Variants in AGBL1 observed in about 807,000 individuals in gnomAD.
AGBL1 encodes cytosolic carboxypeptidase 4.
In AGBL1, 130 loss-of-function variants were observed where a neutral mutation model predicts 118.9. That is an observed-to-expected ratio of 1.09 (90% CI 0.95 to 1.26). The LOEUF is 1.26. Among genes scored for constraint, AGBL1 ranks in the 50% most tolerant of loss-of-function variants. The pLI, the probability that AGBL1 is intolerant of heterozygous loss-of-function variation, is 0.00. For missense variants in AGBL1, 1,584 were observed against 1,298.1 expected, an observed-to-expected ratio of 1.22 and a Z score of -3.38; for synonymous variants, 555 against 478.9, an observed-to-expected ratio of 1.16 and a Z score of -2.08.
At chr15:86,220,382 A>G (rs935468784) in intron 5 of AGBL1, among the ~76,000 whole-genome samples, 5 of 152,236 alleles carry the variant, frequency 3.3e-5, no homozygotes, top group Non-Finnish European at 7.3e-5. Context: ...AATGTGATGT[A>G]TAATGATGTA....
At chr15:86,311,112 C>T (rs1351976119) in intron 17 of AGBL1, among the ~76,000 whole-genome samples, 6 of 152,152 alleles carry the variant, frequency 3.9e-5, no homozygotes, top group Admixed American at 2.0e-4. Context: ...AGACAGGCTT[C>T]GACGCTTGCT....
At chr15:86,445,712 C>G (rs770108107) in intron 18 of AGBL1, among the ~76,000 whole-genome samples, 21 of 152,158 alleles carry the variant, frequency 1.4e-4, no homozygotes, top group Non-Finnish European at 2.5e-4. Context: ...CAGATGAGTT[C>G]ATTCATCCAT....
intron 22 of AGBL1, among the ~76,000 whole-genome samples, chr15:86,713,168 T>C (rs1026017728): frequency 1.5e-4 from 23 of 152,100 alleles, no homozygotes; most frequent in Admixed American, 6.5e-5. Flanking sequence ...TTTCTTCCAC[T>C]GAAAGAGAAA....
intron 22 of AGBL1, among the ~76,000 whole-genome samples, chr15:86,682,264 G>T (rs1291929860): frequency 1.3e-5 from 2 of 152,096 alleles, no homozygotes; most frequent in Non-Finnish European, 2.9e-5. Context: ...CTCCCTAACT[G>T]GTCAAGGGAA....
At chr15:86,743,903 T>C (rs16977951) in intron 22 of AGBL1, among the ~76,000 whole-genome samples, 6,928 of 152,206 alleles carry the variant, frequency 0.046, 409 homozygotes, top group African/African-American at 0.13. Context: ...ACACAATCTT[T>C]ATTTTTGACA....
At chr15:86,870,454 C>CCAAAA (rs2079705648) in intron 22 of AGBL1, among the ~76,000 whole-genome samples, 1 of 64,130 alleles carries the variant, frequency 1.6e-5, no homozygotes, top group Non-Finnish European at 2.8e-5. Context: ...AAGCATACTG[C>CCAAAA]AAAAAAAAAA....
At chr15:86,212,308 T>G (rs892003260) in intron 5 of AGBL1, among the ~76,000 whole-genome samples, 2 of 152,182 alleles carry the variant, frequency 1.3e-5, no homozygotes, top group African/African-American at 2.4e-5. Flanking sequence ...GTAAACAATG[T>G]TATAATAAAG....
At chr15:86,729,140 G>C (rs1026702706) in intron 22 of AGBL1, among the ~76,000 whole-genome samples, 1 of 152,166 alleles carries the variant, frequency 6.6e-6, no homozygotes, top group African/African-American at 2.4e-5. Flanking sequence ...TGAGCTCTCT[G>C]TCTTGCCAGG....
intron 22 of AGBL1, among the ~76,000 whole-genome samples, chr15:86,710,627 A>G (rs1424851513): frequency 1.3e-5 from 2 of 152,212 alleles, no homozygotes; most frequent in African/African-American, 4.8e-5. Flanking sequence ...AATGCAATAC[A>G]ACTGAATTCT....
intron 23 of AGBL1, among the ~76,000 whole-genome samples, chr15:86,987,220 G>A (rs766284720): frequency 6.6e-5 from 10 of 152,192 alleles, no homozygotes; most frequent in Non-Finnish European, 1.3e-4. Context: ...GCAGGTCACA[G>A]GGGATATGAT....
intron 1 of AGBL1, among the ~76,000 whole-genome samples, chr15:86,096,947 G>T (rs1896415026): frequency 6.6e-6 from 1 of 152,054 alleles, no homozygotes; most frequent in Non-Finnish European, 1.5e-5. Flanking sequence ...CTTATCTTGG[G>T]ACATTTAGGC....
At chr15:86,720,542 C>A (rs1007159787) in intron 22 of AGBL1, among the ~76,000 whole-genome samples, 4 of 152,172 alleles carry the variant, frequency 2.6e-5, no homozygotes, top group African/African-American at 9.6e-5. Flanking sequence ...AGATATGTGG[C>A]TATAGATGGG....
At chr15:86,821,370 C>A (rs551359135) in intron 22 of AGBL1, among the ~76,000 whole-genome samples, 1 of 152,022 alleles carries the variant, frequency 6.6e-6, no homozygotes, top group Non-Finnish European at 1.5e-5. Context: ...TGTTAAATAT[C>A]TTAGGGAGAA....
chr15:86,151,613 C>T (rs569601012), intron 3 of AGBL1, among the ~76,000 whole-genome samples: 59 of 152,300 alleles, frequency 3.9e-4, no homozygotes, highest in African/African-American at 1.4e-3. Flanking sequence ...TGAAAACCAG[C>T]ACAAGACGAG....
chr15:86,167,193 G>A (rs1394145770), intron 5 of AGBL1, among the ~76,000 whole-genome samples: 1 of 152,014 alleles, frequency 6.6e-6, no homozygotes, highest in Non-Finnish European at 1.5e-5. Context: ...TATCAGGAGG[G>A]ACTCTTGTGG....
At chr15:86,508,666 A>G (rs981983173) in intron 18 of AGBL1, among the ~76,000 whole-genome samples, 7 of 152,112 alleles carry the variant, frequency 4.6e-5, no homozygotes, top group African/African-American at 1.4e-4. Context: ...TGATGATCCA[A>G]TTAGTCTCTA....
At chr15:87,002,579 T>C (rs919311763) in intron 24 of AGBL1, among the ~76,000 whole-genome samples, 8 of 151,988 alleles carry the variant, frequency 5.3e-5, no homozygotes, top group Admixed American at 2.6e-4. Flanking sequence ...AGTATGGCCA[T>C]TTTCACGATA....
At chr15:86,989,365 A>G (rs1429454650) in intron 24 of AGBL1, among the ~76,000 whole-genome samples, 2 of 152,164 alleles carry the variant, frequency 1.3e-5, no homozygotes, top group African/African-American at 4.8e-5. Context: ...GATTTTTGGT[A>G]GATTATCTTT....
Position 86,346,543 on chromosome 15 carries a change from G to A in AGBL1, c.2375-50823G>A, listed in dbSNP as rs187853785. On this transcript the variant is annotated intron_variant, in intron 17 of 22. Transcript: ENST00000614907. The stretch of plus-strand genomic sequence containing the variant: ...TTTTGTGTTTTTTAGTAGAGACAGG[G>A]TTTCACCATGTTAGCCAGGATGGTC... 4.1e-3 allele frequency among the ~76,000 whole-genome samples: 623 copies of A among 151,748 alleles called. 4 individuals are homozygous for A. Among genetic ancestry groups the A allele is most frequent in the Middle Eastern group, 0.017 (5 of 294 alleles).
Sources: gnomAD v4.1 joint callset for allele counts (sites outside exome capture counted in the v4.1 genomes callset) on GRCh38, gnomAD v4.1.1 for gene constraint, MANE v1.5 for transcripts, NCBI Gene and HGNC (gene_info 2026-07-23, HGNC 2026-07-21) for gene names.